GRID2: variants seen among roughly 807,000 people sequenced by gnomAD.
The protein encoded by GRID2 is glutamate receptor ionotropic, delta-2.
GRID2 carries 33 observed loss-of-function variants against 114.8 expected under a neutral mutation model. That is an observed-to-expected ratio of 0.29 (90% CI 0.22 to 0.38). The LOEUF (loss-of-function observed/expected upper bound fraction) is 0.38. Among genes scored for constraint, GRID2 ranks in the 10% least tolerant of loss-of-function variants. GRID2 has a pLI of 1.00. For missense variants in GRID2, 1,184 were observed against 1,257.7 expected (o/e 0.94, Z 0.89); for synonymous variants, 505 against 449.9 (o/e 1.12, Z -1.55).
intron 14 of GRID2, among the ~76,000 whole-genome samples, chr4:93,751,913 A>G (rs1732353468): frequency 6.6e-6 from 1 of 151,344 alleles, no homozygotes; most frequent in Non-Finnish European, 1.5e-5. Context: ...CCATACTCCC[A>G]ATACTGCATG....
chr4:92,656,101 T>G (rs1732219283), intron 2 of GRID2, among the ~76,000 whole-genome samples: 1 of 151,836 alleles, frequency 6.6e-6, no homozygotes, highest in African/African-American at 2.4e-5. Context: ...TTTATTTTTT[T>G]GAGGAACTTC....
chr4:93,473,168 A>G (rs9999373), intron 11 of GRID2, among the ~76,000 whole-genome samples: 36,901 of 152,064 alleles, frequency 0.24, 5,482 homozygotes, highest in Non-Finnish European at 0.34. Flanking sequence ...ACATAAATAT[A>G]ACTTCTTTGC....
At chr4:93,636,838 T>A (rs1236033834) in intron 14 of GRID2, among the ~76,000 whole-genome samples, 1 of 152,060 alleles carries the variant, frequency 6.6e-6, no homozygotes, top group East Asian at 1.9e-4. Flanking sequence ...GGAAGTGGGG[T>A]GCCCTGCCCA....
At chr4:92,664,985 T>C (rs1039472646) in intron 2 of GRID2, among the ~76,000 whole-genome samples, 20 of 148,636 alleles carry the variant, frequency 1.3e-4, no homozygotes, top group African/African-American at 4.4e-4. Context: ...ACTCTGCCAT[T>C]CTTTTTTTTT....
At chr4:92,518,674 GTAGT>G (rs936039002) in intron 1 of GRID2, among the ~76,000 whole-genome samples, 31 of 151,678 alleles carry the variant, frequency 2.0e-4, no homozygotes, top group Middle Eastern at 3.4e-3. Context: ...ACATTTAAAA[GTAGT>G]TAAAGTGTAA....
At chr4:93,804,248 A>T (rs1215583843) in intron 1 of GRID2, among the ~76,000 whole-genome samples, 1 of 152,248 alleles carries the variant, frequency 6.6e-6, no homozygotes, top group Non-Finnish European at 1.5e-5. Context: ...GAACTCTAAT[A>T]GTAGTCATGT....
intron 2 of GRID2, among the ~76,000 whole-genome samples, chr4:92,946,500 A>T (rs988453034): frequency 6.6e-6 from 1 of 151,808 alleles, no homozygotes; most frequent in African/African-American, 2.4e-5. Flanking sequence ...TTCCCCCCCA[A>T]AATTATATTA....
chr4:93,698,176 C>T (rs537060033), intron 14 of GRID2, among the ~76,000 whole-genome samples: 1 of 151,996 alleles, frequency 6.6e-6, no homozygotes, highest in Admixed American at 6.6e-5. Flanking sequence ...TCTCCTCCTT[C>T]AAAAAATTAT....
At chr4:92,811,830 G>A (rs761630266) in intron 2 of GRID2, among the ~76,000 whole-genome samples, 2 of 152,042 alleles carry the variant, frequency 1.3e-5, no homozygotes, top group Non-Finnish European at 2.9e-5. Flanking sequence ...TTTAAAAGTA[G>A]CAAAGAGGTA....
chr4:92,704,171 A>G (rs1262017797), intron 2 of GRID2, among the ~76,000 whole-genome samples: 1 of 152,102 alleles, frequency 6.6e-6, no homozygotes, highest in East Asian at 1.9e-4. Flanking sequence ...CCAGCTACTC[A>G]GGAGGTTGAG....
chr4:93,776,273 C>T (rs945462158), downstream of GRID2, among the ~76,000 whole-genome samples: 3 of 152,164 alleles, frequency 2.0e-5, no homozygotes, highest in Non-Finnish European at 4.4e-5. Context: ...CCATAATTAT[C>T]ATTTCAATGA....
chr4:92,779,619 G>T (rs1738975407), intron 2 of GRID2, among the ~76,000 whole-genome samples: 1 of 152,048 alleles, frequency 6.6e-6, no homozygotes, highest in Non-Finnish European at 1.5e-5. Flanking sequence ...AGATGAACCT[G>T]CATGTCCAAC....
chr4:93,066,949 G>A lies in GRID2; in HGVS notation c.245-18046G>A, dbSNP rs566796285. Among the ~76,000 whole-genome samples the A allele has an allele frequency of 3.1e-4, 47 of 152,118 alleles. No homozygotes were observed. In the South Asian group the frequency reaches 9.7e-3, roughly 31 times the overall value. On this transcript the variant is annotated intron_variant, in intron 2 of 15. Transcript: ENST00000282020. ...GGTAGGTAGCATGTACAGTGTGGAT[G>A]ATTCACATCCTGGGAGGGAAGAAGC... is the stretch of plus-strand genomic sequence containing the variant.
chr4:92,445,004 G>A (rs1733374066), intron 1 of GRID2, among the ~76,000 whole-genome samples: 1 of 152,016 alleles, frequency 6.6e-6, no homozygotes, highest in African/African-American at 2.4e-5. Context: ...AGGATTTTGG[G>A]TATTAGGCAA....
intron 2 of GRID2, among the ~76,000 whole-genome samples, chr4:92,889,335 T>C (rs1399854864): frequency 6.6e-6 from 1 of 152,136 alleles, no homozygotes; most frequent in East Asian, 1.9e-4. Context: ...TTGTCTCTGT[T>C]TGCAGATGAC....
chr4:92,797,166 C>G (rs1739920179), intron 2 of GRID2, among the ~76,000 whole-genome samples: 1 of 151,952 alleles, frequency 6.6e-6, no homozygotes, highest in Non-Finnish European at 1.5e-5. Context: ...TCTAGCATCA[C>G]TAGTGGCACT....
At chr4:93,676,403 C>T (rs2110077382) in intron 14 of GRID2, among the ~76,000 whole-genome samples, 1 of 152,240 alleles carries the variant, frequency 6.6e-6, no homozygotes, top group East Asian at 1.9e-4. Context: ...GATAGAGTAG[C>T]ATAGCTTAGA....
At chr4:92,591,974 A>T (rs1204907663) in intron 2 of GRID2, among the ~76,000 whole-genome samples, 3 of 152,040 alleles carry the variant, frequency 2.0e-5, no homozygotes, top group African/African-American at 7.2e-5. Flanking sequence ...TCCCGACAAT[A>T]TAAGGATTTC....
intron 1 of GRID2, among the ~76,000 whole-genome samples, chr4:92,498,277 T>C (rs1269835129): frequency 6.6e-6 from 1 of 151,888 alleles, no homozygotes. Context: ...CCAAGTCAGT[T>C]CACAATTGGA....
Sources: allele counts gnomAD v4.1 joint callset (sites outside exome capture counted in the v4.1 genomes callset), GRCh38; gene constraint gnomAD v4.1.1; transcripts MANE v1.5; gene names NCBI Gene and HGNC (gene_info 2026-07-23, HGNC 2026-07-21).